The following COL25A1 variants were observed in gnomAD, a reference collection of about 807,000 sequenced individuals.
COL25A1 encodes collagen alpha-1(XXV) chain.
In COL25A1, 103 loss-of-function variants were observed where a neutral mutation model predicts 128.4. The ratio of observed to expected loss-of-function variants is 0.80; its 90% CI spans 0.68 to 0.94. The LOEUF is 0.94. COL25A1 is among the 40% of genes least tolerant of loss of function. COL25A1 has a pLI of 0.00. For synonymous variants in COL25A1, 279 were observed against 277.2 expected (o/e 1.01, Z -0.06); for missense variants, 745 against 840.0 (o/e 0.89, Z 1.40).
At chr4:109,164,429 T>A (rs1772874265) in intron 3 of COL25A1, among the ~76,000 whole-genome samples, 1 of 152,110 alleles carries the variant, frequency 6.6e-6, no homozygotes, top group Non-Finnish European at 1.5e-5. Context: ...TTTGTTTGTT[T>A]GTTTGTTTGT....
intron 3 of COL25A1, among the ~76,000 whole-genome samples, chr4:109,297,927 A>G (rs1177013282): frequency 1.0e-5 from 1 of 97,954 alleles, no homozygotes; most frequent in Non-Finnish European, 1.8e-5. Context: ...GAAGTTCATT[A>G]GTTTGACCAA....
intron 19 of COL25A1, among the ~76,000 whole-genome samples, chr4:108,873,531 G>GTAT (rs1160102334): frequency 1.3e-3 from 139 of 110,874 alleles, no homozygotes; most frequent in Admixed American, 2.4e-3. Context: ...TCTAGTAGTA[G>GTAT]TAGTAGTAGT....
At chr4:109,131,839 G>A (rs910858661) in intron 3 of COL25A1, among the ~76,000 whole-genome samples, 4 of 152,158 alleles carry the variant, frequency 2.6e-5, no homozygotes, top group Non-Finnish European at 5.9e-5. Flanking sequence ...TGCCAAGAAG[G>A]ATAAGCATGC....
At chr4:108,837,682 G>C (rs1733970941) in intron 31 of COL25A1, among the ~76,000 whole-genome samples, 1 of 152,118 alleles carries the variant, frequency 6.6e-6, no homozygotes, top group African/African-American at 2.4e-5. Flanking sequence ...TTCCATACCT[G>C]CCACCAACAG....
At chr4:108,819,141 G>T in intron 36 of COL25A1, 111 bp downstream of exon 36, 1 of 727,486 alleles carries the variant, frequency 1.4e-6, no homozygotes, top group Non-Finnish European at 2.3e-6. Context: ...TGCATGTAGT[G>T]TGTTTATCAT....
In COL25A1 at chr4:109,098,232, C is replaced by G. The variant is rs181645522; in HGVS notation, c.368-48053G>C. On this transcript the variant is annotated intron_variant, in intron 3 of 37. Transcript: ENST00000399132. The stretch of plus-strand genomic sequence containing the variant: ...AAGTGCTAAATTGCTTAAGCTGATA[C>G]GCAGTTTCTAAGACCCATACTGTCT... Among the ~76,000 whole-genome samples the G allele has an allele frequency of 1.6e-4, 25 of 152,270 alleles. 1 individual carries two copies. The highest frequency in any genetic ancestry group is 1.3e-3 in the Admixed American group (20 of 15,298).
chr4:109,238,026 A>T (rs1779586325), intron 3 of COL25A1, among the ~76,000 whole-genome samples: 1 of 152,092 alleles, frequency 6.6e-6, no homozygotes, highest in Non-Finnish European at 1.5e-5. Flanking sequence ...ATGATAGTCC[A>T]TTGTATATAC....
At chr4:109,139,877 T>C (rs922996623) in intron 3 of COL25A1, among the ~76,000 whole-genome samples, 1 of 144,050 alleles carries the variant, frequency 6.9e-6, no homozygotes, top group Non-Finnish European at 1.5e-5. Flanking sequence ...CCTGTGTCCA[T>C]GTGTTCTCAT....
chr4:109,083,317 A>C (rs945502492), intron 3 of COL25A1, among the ~76,000 whole-genome samples: 2 of 152,092 alleles, frequency 1.3e-5, no homozygotes, highest in East Asian at 3.8e-4. Context: ...AGCCTAAAAA[A>C]TGAAAAAAAT....
intron 3 of COL25A1, among the ~76,000 whole-genome samples, chr4:109,068,924 A>C (rs1419170157): frequency 6.6e-6 from 1 of 152,294 alleles, no homozygotes; most frequent in East Asian, 1.9e-4. Flanking sequence ...ACATATTTAC[A>C]TACTGAGATT....
At chr4:109,054,408 G>A (rs754325995) in intron 3 of COL25A1, among the ~76,000 whole-genome samples, 1 of 152,114 alleles carries the variant, frequency 6.6e-6, no homozygotes, top group Non-Finnish European at 1.5e-5. Context: ...GGATGAAACT[G>A]TAAAGTGCTA....
At chr4:109,191,505 T>C (rs1469663346) in intron 3 of COL25A1, among the ~76,000 whole-genome samples, 1 of 152,208 alleles carries the variant, frequency 6.6e-6, no homozygotes, top group Non-Finnish European at 1.5e-5. Context: ...CCACGTTCCC[T>C]GAAAGCCTTT....
At chr4:109,226,785 A>C (rs907716072) in intron 3 of COL25A1, among the ~76,000 whole-genome samples, 1 of 152,174 alleles carries the variant, frequency 6.6e-6, no homozygotes, top group Admixed American at 6.5e-5. Context: ...ATGGCAGAAC[A>C]CGTGATAGGC....
intron 3 of COL25A1, among the ~76,000 whole-genome samples, chr4:109,124,173 T>C (rs748451488): frequency 9.2e-5 from 14 of 152,100 alleles, no homozygotes; most frequent in Non-Finnish European, 1.9e-4. Context: ...ATGCAAATGG[T>C]ATTTTTGACA....
chr4:109,218,676 T>C (rs1244335317), intron 3 of COL25A1, among the ~76,000 whole-genome samples: 1 of 152,032 alleles, frequency 6.6e-6, no homozygotes. Flanking sequence ...TAATATTATA[T>C]ATCACTAATT....
In COL25A1 at chr4:109,234,501, C is replaced by T. The variant is rs540051271; in HGVS notation, c.367+66082G>A. Among the ~76,000 whole-genome samples the T allele has an allele frequency of 3.9e-5, 6 of 152,176 alleles. No individual in the cohort carries two copies. The South Asian group carries it at 1.2e-3, about 32-fold the overall frequency. On this transcript the variant is annotated intron_variant, in intron 3 of 37. Transcript: ENST00000399132. ...GGTTTCTGGGGGAAAAAAGCTAATC[C>T]TGCTCTCTTTCTCTCTCCCCTCCCC...
chr4:109,078,495 A>G lies in COL25A1; in HGVS notation c.368-28316T>C, dbSNP rs555108616. On this transcript the variant is annotated intron_variant, in intron 3 of 37. Transcript: ENST00000399132. ...CTGTCATGCAGGCTTTTCTCAAAAAATAAAAGTTTAGAAAAGCATGTTTAA... is the reference window on the plus strand; with the variant it reads ...CTGTCATGCAGGCTTTTCTCAAAAAGTAAAAGTTTAGAAAAGCATGTTTAA... Among the ~76,000 whole-genome samples the G allele has an allele frequency of 1.0e-3, 152 of 152,354 alleles. No individual in the cohort carries two copies. In the Middle Eastern group the frequency reaches 0.02, roughly 20 times the overall value.
chr4:109,041,875 C>T (rs1045064758), intron 5 of COL25A1, among the ~76,000 whole-genome samples: 55 of 152,042 alleles, frequency 3.6e-4, no homozygotes, highest in African/African-American at 1.3e-3. Flanking sequence ...AGGAGCCTTG[C>T]CCATCAATAT....
intron 3 of COL25A1, among the ~76,000 whole-genome samples, chr4:109,070,710 G>A (rs28368392): frequency 0.4 from 49,346 of 124,420 alleles, 10,743 homozygotes; most frequent in Non-Finnish European, 0.51. Flanking sequence ...CAACAGGCCC[G>A]GTGTGTGATG....
Sources: gnomAD v4.1 joint callset for allele counts (sites outside exome capture counted in the v4.1 genomes callset) on GRCh38, gnomAD v4.1.1 for gene constraint, MANE v1.5 for transcripts, NCBI Gene and HGNC (gene_info 2026-07-23, HGNC 2026-07-21) for gene names.